Variants in GML observed in about 807,000 individuals in gnomAD.
GML encodes the protein glycosyl-phosphatidylinositol-anchored molecule-like protein.
GML carries 5 observed loss-of-function variants against 8.2 expected under a neutral mutation model. The observed-to-expected ratio is 0.61, with a 90% CI of 0.32 to 1.28. The LOEUF (loss-of-function observed/expected upper bound fraction) is 1.28, where lower values mean the gene tolerates loss of function less well. GML is among the 50% of genes most tolerant of loss of function. The pLI is 0.06. For synonymous variants in GML, 72 were observed against 69.0 expected, an observed-to-expected ratio of 1.04 and a Z score of -0.22; for missense variants, 191 against 198.3, an observed-to-expected ratio of 0.96 and a Z score of 0.22.
intron 1 of GML, among the ~76,000 whole-genome samples, chr8:142,835,203 C>T (rs556175353): frequency 1.1e-4 from 13 of 113,110 alleles, no homozygotes; most frequent in African/African-American, 2.4e-4. Context: ...GCTCCACTCC[C>T]ATCAGGGTCC....
Position 142,846,804 on chromosome 8 carries a change from T to C in GML, c.*114T>C. 1.3e-6 allele frequency: 1 copy of C among 746,706 alleles called. No individual in the cohort carries two copies. The highest frequency in any genetic ancestry group is 2.5e-5 in the East Asian group (1 of 39,258). The allele number at this position is 746,706 out of a possible 1,614,324, so 46.3% of individuals were successfully genotyped here. ...ATCCACTGCTCCTCTAGGTGGCCCA[T>C]TTATGGTTTGTTGTAAGAGAAAAAT... On this transcript the variant is annotated 3_prime_UTR_variant, in exon 4 of 4. Coordinates refer to ENST00000220940, the MANE Select transcript of GML (RefSeq NM_002066.3).
chr8:142,839,460 G>T (rs1208116451), intron 1 of GML, among the ~76,000 whole-genome samples: 1 of 152,204 alleles, frequency 6.6e-6, no homozygotes, highest in Non-Finnish European at 1.5e-5. Flanking sequence ...TGCACAGTCA[G>T]CTTCTAGTTC....
intron 3 of GML, among the ~76,000 whole-genome samples, chr8:142,844,020 C>G (rs1816471633): frequency 6.6e-6 from 1 of 152,118 alleles, no homozygotes; most frequent in African/African-American, 2.4e-5. Context: ...CTAGGAATAA[C>G]CAAAGCAGTC....
At chr8:142,841,681 A>G (rs1287697199) in intron 3 of GML, among the ~76,000 whole-genome samples, 2 of 152,218 alleles carry the variant, frequency 1.3e-5, no homozygotes, top group Non-Finnish European at 2.9e-5. Context: ...GACAAGCATG[A>G]GGTCAGGGCA....
At chr8:142,839,907 C>T (rs1293857472) in intron 1 of GML, among the ~76,000 whole-genome samples, 1 of 152,176 alleles carries the variant, frequency 6.6e-6, no homozygotes, top group Admixed American at 6.5e-5. Flanking sequence ...CTCGTAATGA[C>T]ACTGAGGATG....
chr8:142,843,172 C>G (rs1816458699), intron 3 of GML, among the ~76,000 whole-genome samples: 1 of 151,444 alleles, frequency 6.6e-6, no homozygotes, highest in African/African-American at 2.4e-5. Flanking sequence ...GACAAGGGGC[C>G]TGGGTATGAG....
intron 3 of GML, among the ~76,000 whole-genome samples, chr8:142,841,673 C>G (rs1364657167): frequency 6.6e-6 from 1 of 152,220 alleles, no homozygotes; most frequent in Non-Finnish European, 1.5e-5. Context: ...ATGGGAAGGA[C>G]AAGCATGAGG....
At chr8:142,835,047 C>G (rs1287442747) in intron 1 of GML, 179 bp downstream of exon 1, 1 of 143,904 alleles carries the variant, frequency 6.9e-6, no homozygotes, top group African/African-American at 2.6e-5. Flanking sequence ...CCCCCGAACT[C>G]AGCTCCTCTC....
Position 142,846,789 on chromosome 8 carries a change from C to A in GML, c.*99C>A. 1 of 842,992 alleles carries A rather than the reference C, an allele frequency of 1.2e-6. No individual in the cohort carries two copies. The highest frequency in any genetic ancestry group is 1.9e-6 in the Non-Finnish European group (1 of 531,522). 52.2% of individuals were successfully genotyped at this position (842,992 alleles called of 1,614,324 possible). A position where few individuals can be genotyped will look rare whatever the true frequency, so the allele number is the denominator to read the frequency against. On this transcript the variant is annotated 3_prime_UTR_variant, in exon 4 of 4. Transcript: ENST00000220940. ...AAGCCAGAGACCCTTATCCACTGCTCCTCTAGGTGGCCCATTTATGGTTTG... is the reference window on the plus strand; with the variant it reads ...AAGCCAGAGACCCTTATCCACTGCTACTCTAGGTGGCCCATTTATGGTTTG...
chr8:142,842,688 G>A (rs1433661029), intron 3 of GML, among the ~76,000 whole-genome samples: 2 of 152,202 alleles, frequency 1.3e-5, no homozygotes, highest in East Asian at 3.9e-4. Context: ...TTGACTGAAA[G>A]CAATTCTAAG....
chr8:142,843,139 A>G (rs1293608937), intron 3 of GML, among the ~76,000 whole-genome samples: 1 of 152,134 alleles, frequency 6.6e-6, no homozygotes, highest in African/African-American at 2.4e-5. Flanking sequence ...CCTCTATGGA[A>G]AGAAACGCAG....
intron 1 of GML, among the ~76,000 whole-genome samples, chr8:142,838,190 C>T (rs1489292876): frequency 1.3e-5 from 2 of 151,776 alleles, no homozygotes; most frequent in South Asian, 4.2e-4. Flanking sequence ...TCTGAGCAGC[C>T]ACAACCTACT....
In GML at chr8:142,840,198, G is replaced by A. The variant is rs1180570269; in HGVS notation, c.-22-218G>A. Among the ~76,000 whole-genome samples the A allele has an allele frequency of 2.0e-5, 3 of 152,210 alleles. No individual in the cohort carries two copies. In the East Asian group the frequency reaches 5.8e-4, roughly 29 times the overall value. ...CCTCCCTGGCTCAAGGAGTGACAGC[G>A]AGTTTGTCTGAGGTGAGGGCACAGG... On this transcript the variant is annotated intron_variant, in intron 1 of 3. Transcript: ENST00000220940.
chr8:142,842,639 C>T (rs1406753747), intron 3 of GML, among the ~76,000 whole-genome samples: 1 of 152,182 alleles, frequency 6.6e-6, no homozygotes, highest in African/African-American at 2.4e-5. Flanking sequence ...CCAATCTGTC[C>T]TCCTTCATGT....
At chr8:142,841,363 G>A (rs1039768469) in intron 3 of GML, 138 bp downstream of exon 3, 18 of 639,174 alleles carry the variant, frequency 2.8e-5, no homozygotes, top group South Asian at 9.0e-5. Context: ...TCCTGAGTGC[G>A]TTTCTGCACG....
intron 3 of GML, among the ~76,000 whole-genome samples, chr8:142,845,934 A>G (rs1816498809): frequency 6.6e-6 from 1 of 152,176 alleles, no homozygotes; most frequent in Non-Finnish European, 1.5e-5. Context: ...TTTACCCTAG[A>G]AGGGTCTTGC....
At chr8:142,845,886 G>A (rs901701041) in intron 3 of GML, among the ~76,000 whole-genome samples, 12 of 152,184 alleles carry the variant, frequency 7.9e-5, no homozygotes, top group African/African-American at 2.9e-4. Flanking sequence ...TGTTGGTCCA[G>A]GAGACTGAAA....
intron 2 of GML, among the ~76,000 whole-genome samples, chr8:142,840,803 C>T (rs1816420045): frequency 6.6e-6 from 1 of 152,126 alleles, no homozygotes; most frequent in Admixed American, 6.5e-5. Context: ...GATGGCGGAC[C>T]CCTGTGAGTA....
At chr8:142,840,376 A>G (rs1816410425) in intron 1 of GML, 40 bp from the exon 2 acceptor site, 3 of 1,292,306 alleles carry the variant, frequency 2.3e-6, no homozygotes, top group Admixed American at 3.4e-5. Context: ...CCAAGGAGCC[A>G]TGGCTCACTA....
Sources: allele counts gnomAD v4.1 joint callset (sites outside exome capture counted in the v4.1 genomes callset), GRCh38; gene constraint gnomAD v4.1.1; transcripts MANE v1.5; gene names NCBI Gene and HGNC (gene_info 2026-07-23, HGNC 2026-07-21).